Variants in PLCXD3 observed in about 807,000 individuals in gnomAD.
PLCXD3 encodes the protein phosphatidylinositol specific phospholipase C X domain containing 3, also known as PI-PLC X domain-containing protein 3.
A neutral mutation model predicts 25.5 loss-of-function variants in PLCXD3; 19 were observed. The ratio of observed to expected loss-of-function variants is 0.75; its 90% CI spans 0.52 to 1.09. PLCXD3 has a LOEUF of 1.09. Among genes scored for constraint, PLCXD3 ranks in the 50% least tolerant of loss-of-function variants. PLCXD3 has a pLI of 0.00. For missense variants in PLCXD3, 411 were observed against 388.1 expected (o/e 1.06, Z -0.50); for synonymous variants, 174 against 137.6 (o/e 1.26, Z -1.85).
chr5:41,493,826 A>C (rs1471901929), intron 1 of PLCXD3, among the ~76,000 whole-genome samples: 4 of 152,222 alleles, frequency 2.6e-5, no homozygotes, highest in Non-Finnish European at 5.9e-5. Flanking sequence ...CCGATTTTCC[A>C]GGTGCCGTCT....
chr5:41,339,847 A>G (rs1163314451), intron 2 of PLCXD3, among the ~76,000 whole-genome samples: 1 of 152,194 alleles, frequency 6.6e-6, no homozygotes, highest in Non-Finnish European at 1.5e-5. Flanking sequence ...GCTTCCTCAT[A>G]ATAGATCATA....
intron 2 of PLCXD3, among the ~76,000 whole-genome samples, chr5:41,333,677 A>G (rs1297853346): frequency 6.6e-6 from 1 of 151,916 alleles, no homozygotes; most frequent in Non-Finnish European, 1.5e-5. Context: ...ATTAAGTCAT[A>G]TGAATTATCT....
rs558873245 is a variant in PLCXD3, at chr5:41,329,986, A to C, written c.813-16216T>G. ...TATATGCTACTTCTCTAACACCTCT[A>C]AACTTATATTTTACAGTTATGGGCG... On this transcript the variant is annotated intron_variant, in intron 2 of 2. Transcript: ENST00000377801. Among the ~76,000 whole-genome samples, 89 of 151,950 alleles carry C rather than the reference A, an allele frequency of 5.9e-4. 1 individual carries two copies. The highest frequency in any genetic ancestry group is 2.5e-4 in the Non-Finnish European group (17 of 67,966).
chr5:41,332,530 G>T (rs1200963168), intron 2 of PLCXD3, among the ~76,000 whole-genome samples: 1 of 152,180 alleles, frequency 6.6e-6, no homozygotes, highest in African/African-American at 2.4e-5. Flanking sequence ...GTGAAAGTCA[G>T]TGTGGTGATT....
chr5:41,394,582 A>G (rs1046240681), intron 1 of PLCXD3, among the ~76,000 whole-genome samples: 5 of 152,138 alleles, frequency 3.3e-5, no homozygotes, highest in African/African-American at 1.2e-4. Flanking sequence ...CACTTTACCC[A>G]TAAAGTCCAC....
chr5:41,389,884 T>C (rs1409750021), intron 1 of PLCXD3, among the ~76,000 whole-genome samples: 2 of 152,190 alleles, frequency 1.3e-5, no homozygotes, highest in African/African-American at 4.8e-5. Flanking sequence ...AATGTATTCA[T>C]TTTAAGTATA....
intron 1 of PLCXD3, among the ~76,000 whole-genome samples, chr5:41,398,003 G>A (rs376985082): frequency 1.3e-5 from 2 of 152,198 alleles, no homozygotes; most frequent in East Asian, 1.9e-4. Flanking sequence ...ATTGATGGAA[G>A]GGATTTACCT....
chr5:41,504,478 C>A (rs1419646161), intron 1 of PLCXD3, among the ~76,000 whole-genome samples: 1 of 152,182 alleles, frequency 6.6e-6, no homozygotes, highest in African/African-American at 2.4e-5. Flanking sequence ...GCAGTGCCAG[C>A]ACTCAGGGCT....
chr5:41,457,460 C>A lies in PLCXD3; in HGVS notation c.103+52964G>T, dbSNP rs78160868. ...ACTCCAGGTCATGGGAGTTCCAAAT[C>A]TCCTCTCAGATGATTGGAACCCAGG... On this transcript the variant is annotated intron_variant, in intron 1 of 2. Coordinates refer to ENST00000377801, the MANE Select transcript of PLCXD3 (RefSeq NM_001005473.3). 9.0e-3 allele frequency among the ~76,000 whole-genome samples: 1,366 copies of A among 152,012 alleles called. 16 individuals are homozygous for A. The highest frequency in any genetic ancestry group is 0.029 in the African/African-American group (1,197 of 41,520).
intron 2 of PLCXD3, among the ~76,000 whole-genome samples, chr5:41,324,381 C>T (rs770518439): frequency 2.0e-4 from 31 of 152,096 alleles, no homozygotes; most frequent in East Asian, 1.9e-4. Flanking sequence ...CACTAATCCC[C>T]GGCTAGTACC....
chr5:41,363,020 C>A (rs1033689270), intron 2 of PLCXD3, among the ~76,000 whole-genome samples: 1 of 152,110 alleles, frequency 6.6e-6, no homozygotes, highest in African/African-American at 2.4e-5. Context: ...TCCATAGAAA[C>A]TGTCATTGTT....
chr5:41,322,866 C>T (rs1743515823), intron 2 of PLCXD3, among the ~76,000 whole-genome samples: 1 of 151,876 alleles, frequency 6.6e-6, no homozygotes, highest in Admixed American at 6.6e-5. Flanking sequence ...CCCAGCTACT[C>T]AGGAGGCTGA....
At chr5:41,436,500 G>A (rs1466088144) in intron 1 of PLCXD3, among the ~76,000 whole-genome samples, 1 of 152,168 alleles carries the variant, frequency 6.6e-6, no homozygotes, top group African/African-American at 2.4e-5. Context: ...TTCAGTAAAT[G>A]TTAGCTGTTG....
chr5:41,411,780 T>C (rs952560504), intron 1 of PLCXD3, among the ~76,000 whole-genome samples: 4 of 150,070 alleles, frequency 2.7e-5, no homozygotes, highest in Non-Finnish European at 5.9e-5. Flanking sequence ...TTTATAATAG[T>C]TTTGGTCATA....
At chr5:41,331,217 C>T (rs1326894169) in intron 2 of PLCXD3, among the ~76,000 whole-genome samples, 2 of 152,116 alleles carry the variant, frequency 1.3e-5, no homozygotes, top group Non-Finnish European at 2.9e-5. Flanking sequence ...AGCCCAAAAT[C>T]TCCTTAAGCT....
chr5:41,484,859 G>A (rs764062354), intron 1 of PLCXD3, among the ~76,000 whole-genome samples: 6 of 152,158 alleles, frequency 3.9e-5, no homozygotes, highest in Non-Finnish European at 8.8e-5. Context: ...TGTTCCTGCT[G>A]TATTCAATTT....
At chr5:41,327,042 A>G (rs896108051) in intron 2 of PLCXD3, among the ~76,000 whole-genome samples, 1 of 152,150 alleles carries the variant, frequency 6.6e-6, no homozygotes, top group East Asian at 1.9e-4. Flanking sequence ...GGGAGAAACT[A>G]AGGAGGAATT....
intron 2 of PLCXD3, among the ~76,000 whole-genome samples, chr5:41,344,855 A>G (rs1351936121): frequency 1.3e-5 from 2 of 152,154 alleles, no homozygotes; most frequent in Admixed American, 1.3e-4. Context: ...TTCATTCAAT[A>G]TATATGTATT....
chr5:41,375,444 C>A (rs756745392), intron 2 of PLCXD3, among the ~76,000 whole-genome samples: 13 of 152,196 alleles, frequency 8.5e-5, no homozygotes, highest in Non-Finnish European at 1.6e-4. Context: ...GAATTTTAAT[C>A]CTTTCTCTGC....
Sources: gnomAD v4.1 joint callset for allele counts (sites outside exome capture counted in the v4.1 genomes callset) on GRCh38, gnomAD v4.1.1 for gene constraint, MANE v1.5 for transcripts, NCBI Gene and HGNC (gene_info 2026-07-23, HGNC 2026-07-21) for gene names.